RASGRF2: variants seen among roughly 807,000 people sequenced by gnomAD.
RASGRF2 encodes the protein ras-specific guanine nucleotide-releasing factor 2.
Under a neutral mutation model 151.0 loss-of-function variants are expected in RASGRF2, and 76 were observed. That is an observed-to-expected ratio of 0.50 (90% CI 0.42 to 0.61). The LOEUF (loss-of-function observed/expected upper bound fraction) is 0.61, where lower values mean the gene tolerates loss of function less well. Among genes scored for constraint, RASGRF2 ranks in the 20% least tolerant of loss-of-function variants. The pLI is 0.00. For missense variants in RASGRF2, 1,148 were observed against 1,564.6 expected (o/e 0.73, Z 4.49); for synonymous variants, 504 against 566.5 (o/e 0.89, Z 1.57).
At chr5:80,962,108 G>A (rs1457394520) in intron 1 of RASGRF2, among the ~76,000 whole-genome samples, 1 of 152,036 alleles carries the variant, frequency 6.6e-6, no homozygotes, top group Non-Finnish European at 1.5e-5. Flanking sequence ...TAACCCTTTG[G>A]GGCTCATAAA....
intron 12 of RASGRF2, among the ~76,000 whole-genome samples, chr5:81,106,595 G>A (rs1232630563): frequency 6.6e-6 from 1 of 152,150 alleles, no homozygotes; most frequent in Non-Finnish European, 1.5e-5. Context: ...GCACCAGCCA[G>A]CCCCATCTCT....
Position 81,095,007 on chromosome 5 carries a change from T to G in RASGRF2, c.1755+15T>G. 1.4e-6 allele frequency: 2 copies of G among 1,401,716 alleles called. No homozygotes were observed. Among genetic ancestry groups the G allele is most frequent in the Non-Finnish European group, 1.9e-6 (2 of 1,069,426 alleles). The allele number at this position is 1,401,716 out of a possible 1,614,324, so 86.8% of individuals were successfully genotyped here. On this transcript the variant is annotated intron_variant, in intron 12 of 26. Transcript: ENST00000265080. ...ACATCAGTCAGGTAAGAAAGTGGCT[T>G]TTGCCAAATTTTTGTTTTTTAAATT... is the stretch of plus-strand genomic sequence containing the variant.
At chr5:81,144,870 T>C (rs1753967551) in intron 17 of RASGRF2, among the ~76,000 whole-genome samples, 1 of 152,146 alleles carries the variant, frequency 6.6e-6, no homozygotes, top group South Asian at 2.1e-4. Flanking sequence ...CTGGCTCTTC[T>C]AACCACCACC....
At chr5:81,004,910 G>A (rs1482586879) in intron 1 of RASGRF2, among the ~76,000 whole-genome samples, 1 of 152,102 alleles carries the variant, frequency 6.6e-6, no homozygotes, top group Non-Finnish European at 1.5e-5. Context: ...TGCAGTACAC[G>A]TTGATATTAG....
At chr5:81,003,380 G>T (rs539779013) in intron 1 of RASGRF2, among the ~76,000 whole-genome samples, 11 of 152,038 alleles carry the variant, frequency 7.2e-5, no homozygotes, top group Non-Finnish European at 1.2e-4. Context: ...CCACCACCAC[G>T]CCCACCTAAT....
intron 1 of RASGRF2, chr5:80,997,650 A>G (rs1182516671): frequency 6.6e-6 from 1 of 152,240 alleles, no homozygotes; most frequent in African/African-American, 2.4e-5. Flanking sequence ...GATGTAAAAC[A>G]TGGAAGAAAA....
intron 17 of RASGRF2, among the ~76,000 whole-genome samples, chr5:81,152,780 A>G (rs558187273): frequency 1.6e-4 from 24 of 152,364 alleles, no homozygotes; most frequent in African/African-American, 5.8e-4. Context: ...ACCTAGCTAG[A>G]TAAGAACAGT....
chr5:80,978,032 G>A (rs1246167776), intron 1 of RASGRF2, among the ~76,000 whole-genome samples: 10 of 152,162 alleles, frequency 6.6e-5, no homozygotes, highest in Non-Finnish European at 1.5e-4. Flanking sequence ...TTCCCTTAGA[G>A]GATAGGTGAG....
At chr5:81,020,196 A>G (rs1038606885) in intron 1 of RASGRF2, among the ~76,000 whole-genome samples, 3 of 152,236 alleles carry the variant, frequency 2.0e-5, no homozygotes, top group Non-Finnish European at 2.9e-5. Flanking sequence ...GATAAGAGGA[A>G]GAGTCTTTCG....
At chr5:81,216,915 C>G in intron 24 of RASGRF2, 1 of 438,782 alleles carries the variant, frequency 2.3e-6, no homozygotes. Context: ...AAACAGAAAA[C>G]AAGTTTTTAC....
chr5:80,989,400 A>G (rs1386471138), intron 1 of RASGRF2, among the ~76,000 whole-genome samples: 1 of 152,226 alleles, frequency 6.6e-6, no homozygotes, highest in African/African-American at 2.4e-5. Context: ...CCAGATGTTA[A>G]AAGAATTGAT....
At chr5:81,188,635 A>G (rs996428478) in intron 18 of RASGRF2, among the ~76,000 whole-genome samples, 5 of 152,212 alleles carry the variant, frequency 3.3e-5, no homozygotes, top group African/African-American at 1.2e-4. Context: ...CACTTACTTT[A>G]TATCAGACAC....
At chr5:81,066,071 G>T (rs1020515080) in intron 2 of RASGRF2, among the ~76,000 whole-genome samples, 10 of 151,942 alleles carry the variant, frequency 6.6e-5, no homozygotes, top group African/African-American at 2.4e-4. Context: ...TAATATATTT[G>T]TAACCAATTT....
intron 18 of RASGRF2, among the ~76,000 whole-genome samples, chr5:81,184,174 C>G (rs2112682035): frequency 6.6e-6 from 1 of 152,334 alleles, no homozygotes; most frequent in East Asian, 1.9e-4. Flanking sequence ...ACTAATGGAT[C>G]AGAAATCAGG....
At chr5:80,990,853 T>A (rs62367365) in intron 1 of RASGRF2, among the ~76,000 whole-genome samples, 55 of 152,292 alleles carry the variant, frequency 3.6e-4, no homozygotes, top group Non-Finnish European at 6.3e-4. Flanking sequence ...ACATGAAGGT[T>A]CACAAAAGGT....
chr5:81,202,345 G>C (rs964329721), intron 19 of RASGRF2, among the ~76,000 whole-genome samples: 7 of 152,132 alleles, frequency 4.6e-5, no homozygotes, highest in African/African-American at 1.7e-4. Context: ...TTTCCTCGAA[G>C]CTTGGCTGCA....
chr5:81,160,532 C>T (rs1359679005), intron 17 of RASGRF2, among the ~76,000 whole-genome samples: 3 of 151,742 alleles, frequency 2.0e-5, no homozygotes, highest in East Asian at 1.9e-4. Flanking sequence ...ATTAGCCAGG[C>T]GTGGTGGCAG....
At chr5:81,026,411 A>G (rs1349667055) in intron 1 of RASGRF2, among the ~76,000 whole-genome samples, 1 of 151,712 alleles carries the variant, frequency 6.6e-6, no homozygotes, top group African/African-American at 2.4e-5. Flanking sequence ...TTCATCCAAC[A>G]TTTGCATAGG....
intron 1 of RASGRF2, among the ~76,000 whole-genome samples, chr5:80,999,607 C>T (rs995070856): frequency 6.6e-6 from 1 of 152,146 alleles, no homozygotes; most frequent in Non-Finnish European, 1.5e-5. Context: ...AATCCTCCTG[C>T]CTGGGTCTCC....
Sources: gnomAD v4.1 joint callset for allele counts (sites outside exome capture counted in the v4.1 genomes callset) on GRCh38, gnomAD v4.1.1 for gene constraint, MANE v1.5 for transcripts, NCBI Gene and HGNC (gene_info 2026-07-23, HGNC 2026-07-21) for gene names.